The following KSR2 variants were observed in gnomAD, a reference collection of about 807,000 sequenced individuals.
KSR2 encodes the protein kinase suppressor of ras 2.
Under a neutral mutation model 107.8 loss-of-function variants are expected in KSR2, and 25 were observed. That is an observed-to-expected ratio of 0.23 (90% CI 0.17 to 0.32). KSR2 has a LOEUF of 0.32. KSR2 is among the 10% of genes least tolerant of loss of function. The pLI, the probability that KSR2 is intolerant of heterozygous loss-of-function variation, is 1.00. For missense variants in KSR2, 887 were observed against 1,268.9 expected (o/e 0.70, Z 4.57); for synonymous variants, 480 against 507.0 (o/e 0.95, Z 0.71).
At chr12:117,800,907 A>G (rs1372063932) in intron 3 of KSR2, among the ~76,000 whole-genome samples, 1 of 152,096 alleles carries the variant, frequency 6.6e-6, no homozygotes, top group Non-Finnish European at 1.5e-5. Context: ...AGCTTTATCC[A>G]TGTCCCTGCA....
chr12:117,734,891 G>A (rs1343654673), intron 4 of KSR2, among the ~76,000 whole-genome samples: 1 of 152,220 alleles, frequency 6.6e-6, no homozygotes, highest in Non-Finnish European at 1.5e-5. Context: ...AGAGAACACA[G>A]AGGAGCTTCA....
intron 5 of KSR2, among the ~76,000 whole-genome samples, chr12:117,612,460 T>A (rs1002913813): frequency 1.3e-5 from 2 of 152,130 alleles, no homozygotes; most frequent in African/African-American, 4.8e-5. Flanking sequence ...TAAAAAAAAT[T>A]TAAATCACGT....
At position 117,834,646 on chromosome 12, in the gene KSR2, G is replaced by A. The variant is rs540428129; in HGVS notation, c.472+20782C>T. 7.9e-5 allele frequency among the ~76,000 whole-genome samples: 12 copies of A among 152,274 alleles called. No homozygotes were observed. In the South Asian group the frequency reaches 8.3e-4, roughly 11 times the overall value. ...CTTCCCCTGACCTTGCTCGGGCTGC[G>A]GTGAGGCTCCTCCTCTGGGCTTCCC... On this transcript the variant is annotated intron_variant, in intron 3 of 19. Transcript: ENST00000339824.
intron 3 of KSR2, among the ~76,000 whole-genome samples, chr12:117,846,635 C>T (rs557376582): frequency 9.8e-5 from 15 of 152,312 alleles, no homozygotes; most frequent in African/African-American, 3.4e-4. Context: ...TTTCTTCCAA[C>T]ATATTCTAGA....
At chr12:117,716,049 G>T (rs956756851) in intron 4 of KSR2, among the ~76,000 whole-genome samples, 1 of 152,136 alleles carries the variant, frequency 6.6e-6, no homozygotes, top group African/African-American at 2.4e-5. Context: ...AGGTCTTCAT[G>T]ATCACTGTAT....
At chr12:117,575,292 A>C (rs1048537235) in intron 7 of KSR2, among the ~76,000 whole-genome samples, 4 of 152,224 alleles carry the variant, frequency 2.6e-5, no homozygotes, top group African/African-American at 4.8e-5. Context: ...ATAAGTGAAC[A>C]AACGGTTCCG....
At chr12:117,863,479 A>T (rs951404302) in intron 1 of KSR2, among the ~76,000 whole-genome samples, 3 of 152,128 alleles carry the variant, frequency 2.0e-5, no homozygotes, top group Non-Finnish European at 4.4e-5. Context: ...CTCTGCAGTG[A>T]TGTGTGCTAA....
intron 9 of KSR2, among the ~76,000 whole-genome samples, chr12:117,550,284 C>T (rs7298508): frequency 0.1 from 15,832 of 152,234 alleles, 932 homozygotes; most frequent in Middle Eastern, 0.15. Flanking sequence ...AAGAAATTCA[C>T]ATCTGACTCT....
chr12:117,534,973 C>A (rs1875932351), intron 10 of KSR2, among the ~76,000 whole-genome samples: 1 of 152,116 alleles, frequency 6.6e-6, no homozygotes. Flanking sequence ...CCCAATGAAG[C>A]CCGTTTTGGA....
chr12:117,579,005 A>C, intron 7 of KSR2, 114 bp downstream of exon 7: 1 of 783,812 alleles, frequency 1.3e-6, no homozygotes, highest in Middle Eastern at 2.7e-4. Context: ...AAAACAAAGC[A>C]AACAACTCTC....
chr12:117,506,498 G>A (rs1873687792), intron 14 of KSR2, among the ~76,000 whole-genome samples: 1 of 152,142 alleles, frequency 6.6e-6, no homozygotes. Flanking sequence ...GTGACAGTCT[G>A]TTTGCTTCAG....
intron 4 of KSR2, among the ~76,000 whole-genome samples, chr12:117,680,346 A>G (rs1397079202): frequency 6.6e-6 from 1 of 152,232 alleles, no homozygotes; most frequent in East Asian, 1.9e-4. Flanking sequence ...TATTCTTCTC[A>G]TCAGCCATTA....
At chr12:117,575,449 C>T (rs1222000419) in intron 7 of KSR2, among the ~76,000 whole-genome samples, 8 of 152,190 alleles carry the variant, frequency 5.3e-5, no homozygotes, top group Non-Finnish European at 1.2e-4. Context: ...ACAGTGGGGT[C>T]TGTACATTTC....
At chr12:117,626,904 A>G (rs1476923608) in intron 5 of KSR2, among the ~76,000 whole-genome samples, 2 of 152,182 alleles carry the variant, frequency 1.3e-5, no homozygotes, top group African/African-American at 4.8e-5. Context: ...TTGGGTGCAT[A>G]TAAATTTAGG....
chr12:117,620,285 C>A (rs1882118292), intron 5 of KSR2, among the ~76,000 whole-genome samples: 1 of 152,142 alleles, frequency 6.6e-6, no homozygotes, highest in Non-Finnish European at 1.5e-5. Context: ...ATTCCATGGG[C>A]TCCTAGACCC....
At chr12:117,546,659 C>T (rs1030231926) in intron 9 of KSR2, among the ~76,000 whole-genome samples, 2 of 152,142 alleles carry the variant, frequency 1.3e-5, no homozygotes, top group African/African-American at 4.8e-5. Flanking sequence ...TCTGCTCAGG[C>T]CATTTTCTCT....
intron 8 of KSR2, among the ~76,000 whole-genome samples, chr12:117,557,303 C>T (rs548553267): frequency 5.9e-5 from 9 of 152,312 alleles, no homozygotes; most frequent in South Asian, 2.1e-4. Flanking sequence ...GATGGCACTT[C>T]GGTTTTCCAG....
intron 17 of KSR2, 145 bp downstream of exon 17, chr12:117,476,319 A>C (rs1447713411): frequency 5.7e-6 from 5 of 884,056 alleles, no homozygotes; most frequent in Non-Finnish European, 8.2e-6. Context: ...TACCCTACTC[A>C]GGTTCCTCCA....
chr12:117,915,240 C>T lies in KSR2; in HGVS notation c.180+52836G>A, dbSNP rs1275512087. Among the ~76,000 whole-genome samples the T allele has an allele frequency of 2.0e-5, 3 of 152,166 alleles. No homozygotes were observed. In the East Asian group the frequency reaches 5.8e-4, roughly 29 times the overall value. On this transcript the variant is annotated intron_variant, in intron 1 of 19. Coordinates refer to ENST00000339824, the MANE Select transcript of KSR2 (RefSeq NM_173598.6). ...CAGGCCACAAGTCTGAGATCAGGGG[C>T]CAGCAGGGTCAGGTTCTGGAGAGGG...
Sources: gnomAD v4.1 joint callset for allele counts (sites outside exome capture counted in the v4.1 genomes callset) on GRCh38, gnomAD v4.1.1 for gene constraint, MANE v1.5 for transcripts, NCBI Gene and HGNC (gene_info 2026-07-23, HGNC 2026-07-21) for gene names.